ADAMTS2: variants seen among roughly 807,000 people sequenced by gnomAD.
ADAMTS2 encodes the protein A disintegrin and metalloproteinase with thrombospondin motifs 2.
ADAMTS2 carries 50 observed loss-of-function variants against 123.0 expected under a neutral mutation model. The observed-to-expected ratio is 0.41, with a 90% CI of 0.32 to 0.51. The LOEUF (loss-of-function observed/expected upper bound fraction) is 0.51, where lower values mean the gene tolerates loss of function less well. Ranked by LOEUF, ADAMTS2 falls within the 20% of genes least tolerant of loss-of-function variation. The pLI is 0.35. For missense variants in ADAMTS2, 1,494 were observed against 1,705.2 expected (o/e 0.88, Z 2.18); for synonymous variants, 678 against 695.4 (o/e 0.98, Z 0.39).
chr5:179,232,795 A>C (rs1262849519), intron 3 of ADAMTS2, among the ~76,000 whole-genome samples: 2 of 151,950 alleles, frequency 1.3e-5, no homozygotes, highest in African/African-American at 4.8e-5. Context: ...TTTTTTAATA[A>C]AGGGCTGTTG....
At chr5:179,221,726 G>A (rs558094357) in intron 3 of ADAMTS2, among the ~76,000 whole-genome samples, 1 of 152,152 alleles carries the variant, frequency 6.6e-6, no homozygotes, top group Admixed American at 6.5e-5. Context: ...AGAGCCCCCC[G>A]CAGAGGTGAT....
chr5:179,191,274 T>G (rs1436433270), intron 4 of ADAMTS2, among the ~76,000 whole-genome samples: 1 of 152,184 alleles, frequency 6.6e-6, no homozygotes, highest in East Asian at 1.9e-4. Context: ...TCTGCTGAGC[T>G]TGTCGGCTGT....
At position 179,277,318 on chromosome 5, in the gene ADAMTS2, G is replaced by GA. The variant is rs1458557277; in HGVS notation, c.535-4255dup. On this transcript the variant is annotated intron_variant, in intron 2 of 21. Coordinates refer to ENST00000251582, the MANE Select transcript of ADAMTS2 (RefSeq NM_014244.5). ...GGCACCTGCCCCGAGACCAAAGGCT[G>GA]ACACCCCGAGACCAAAGGCTGACCC... 1.9e-3 allele frequency among the ~76,000 whole-genome samples: 12 copies of GA among 6,434 alleles called. 3 individuals are homozygous for GA. Among genetic ancestry groups the GA allele is most frequent in the Non-Finnish European group, 3.7e-3 (5 of 1,340 alleles). 4.2% of individuals were successfully genotyped at this position (6,434 alleles called of 152,430 possible).
intron 4 of ADAMTS2, among the ~76,000 whole-genome samples, chr5:179,190,162 T>C (rs1764272748): frequency 6.6e-6 from 1 of 152,180 alleles, no homozygotes; most frequent in African/African-American, 2.4e-5. Context: ...CCTGTCTTCT[T>C]ATATTAATAA....
chr5:179,268,237 G>A (rs1440430370), intron 3 of ADAMTS2, among the ~76,000 whole-genome samples: 1 of 152,258 alleles, frequency 6.6e-6, no homozygotes. Flanking sequence ...GGCAAGGCCA[G>A]GGCTGGACAC....
At chr5:179,273,898 G>A (rs2013658) in intron 2 of ADAMTS2, among the ~76,000 whole-genome samples, 16 of 151,750 alleles carry the variant, frequency 1.1e-4, no homozygotes, top group African/African-American at 2.9e-4. Context: ...CTCCCAGACC[G>A]CGGCTTGCAC....
chr5:179,129,572 T>C lies in ADAMTS2; in HGVS notation c.2457+360A>G, dbSNP rs1226355042. Reference sequence around the variant, plus strand: ...CCAGCTCAACCTGGGTCTGGGCATCTAGCTTCCCAGACCCTGAGCGTCACC... The same window carrying C: ...CCAGCTCAACCTGGGTCTGGGCATCCAGCTTCCCAGACCCTGAGCGTCACC... On this transcript the variant is annotated intron_variant, in intron 16 of 21. Coordinates refer to ENST00000251582, the MANE Select transcript of ADAMTS2 (RefSeq NM_014244.5). This position sits in a 1 kb window ranked among gnomAD's most constrained non-coding sequence, Gnocchi z 4.1. Among the ~76,000 whole-genome samples, 1 of 152,170 alleles carries C rather than the reference T, an allele frequency of 6.6e-6. No homozygotes were observed. The highest frequency in any genetic ancestry group is 2.4e-5 in the African/African-American group (1 of 41,460).
chr5:179,142,383 A>C (rs555101631), intron 10 of ADAMTS2, among the ~76,000 whole-genome samples: 1 of 152,196 alleles, frequency 6.6e-6, no homozygotes, highest in East Asian at 1.9e-4. Context: ...AGACAGAACC[A>C]GGGACAAAGA....
At chr5:179,124,400 C>T (rs1762815288) in intron 19 of ADAMTS2, among the ~76,000 whole-genome samples, 1 of 152,134 alleles carries the variant, frequency 6.6e-6, no homozygotes, top group African/African-American at 2.4e-5. Flanking sequence ...GCACGCCCTG[C>T]TCTTCTCCCC....
chr5:179,261,653 G>A (rs1766227704), intron 3 of ADAMTS2, among the ~76,000 whole-genome samples: 1 of 152,228 alleles, frequency 6.6e-6, no homozygotes, highest in Non-Finnish European at 1.5e-5. Context: ...CAGCTTTTGT[G>A]TGGGGAACAG....
At chr5:179,151,126 A>G in intron 10 of ADAMTS2, 1 of 379,878 alleles carries the variant, frequency 2.6e-6, no homozygotes. Flanking sequence ...TGAACTTCTG[A>G]CCTCAGGCGA....
At chr5:179,316,647 C>T (rs1295947475) in intron 2 of ADAMTS2, among the ~76,000 whole-genome samples, 9 of 152,204 alleles carry the variant, frequency 5.9e-5, no homozygotes, top group African/African-American at 1.2e-4. Flanking sequence ...GAACTGCTGT[C>T]GAACATGAAG....
At chr5:179,143,667 T>G (rs1382257649) in intron 10 of ADAMTS2, among the ~76,000 whole-genome samples, 4 of 152,040 alleles carry the variant, frequency 2.6e-5, no homozygotes, top group African/African-American at 4.8e-5. Context: ...GCTAGCGAGG[T>G]CCCTTTTTGC....
chr5:179,166,606 G>C (rs1358998319), intron 5 of ADAMTS2, among the ~76,000 whole-genome samples: 1 of 152,166 alleles, frequency 6.6e-6, no homozygotes, highest in Non-Finnish European at 1.5e-5. Flanking sequence ...TGGACGAGTA[G>C]GCTGCGTCCA....
At chr5:179,116,253 C>T (rs1326257749) in intron 21 of ADAMTS2, among the ~76,000 whole-genome samples, 1 of 133,996 alleles carries the variant, frequency 7.5e-6, no homozygotes, top group African/African-American at 3.0e-5. Flanking sequence ...GAAGATGTGA[C>T]CACGGCACCC....
At chr5:179,116,764 A>G (rs1314765425) in intron 21 of ADAMTS2, among the ~76,000 whole-genome samples, 1 of 152,248 alleles carries the variant, frequency 6.6e-6, no homozygotes, top group Non-Finnish European at 1.5e-5. Flanking sequence ...AGGCCCATGC[A>G]TCAGAGGGTG....
At chr5:179,221,263 C>G (rs1010263209) in intron 3 of ADAMTS2, among the ~76,000 whole-genome samples, 1 of 152,144 alleles carries the variant, frequency 6.6e-6, no homozygotes, top group African/African-American at 2.4e-5. Context: ...AAGCCCTGGG[C>G]CCAGGCAACA....
chr5:179,334,434 G>T (rs1468839320), intron 2 of ADAMTS2, among the ~76,000 whole-genome samples: 1 of 152,186 alleles, frequency 6.6e-6, no homozygotes, highest in Admixed American at 6.5e-5. Context: ...CTTGATTTCA[G>T]CTCCTTTACT....
At chr5:179,329,083 T>C (rs935474671) in intron 2 of ADAMTS2, among the ~76,000 whole-genome samples, 2 of 152,124 alleles carry the variant, frequency 1.3e-5, no homozygotes, top group Non-Finnish European at 2.9e-5. Flanking sequence ...ATCCCAGCAC[T>C]TTGGGAGGCC....
Sources: gnomAD v4.1 joint callset for allele counts (sites outside exome capture counted in the v4.1 genomes callset) on GRCh38, gnomAD v4.1.1 for gene constraint, Gnocchi (gnomAD v3.1) non-coding constraint, MANE v1.5 for transcripts, NCBI Gene and HGNC (gene_info 2026-07-23, HGNC 2026-07-21) for gene names.